Variants in SH3TC1 observed in about 807,000 individuals in gnomAD.
SH3TC1 encodes the protein SH3 domain and tetratricopeptide repeats 1.
Under a neutral mutation model 117.3 loss-of-function variants are expected in SH3TC1, and 135 were observed. That is an observed-to-expected ratio of 1.15 (90% confidence interval 1.00 to 1.33). SH3TC1 has a LOEUF of 1.33. Ranked by LOEUF, SH3TC1 falls within the 40% of genes most tolerant of loss-of-function variation. The probability of loss-of-function intolerance (pLI) is 0.00; values close to 1 mark genes in which losing one functional copy is unlikely to be tolerated. For missense variants in SH3TC1, 2,092 were observed against 1,794.3 expected (o/e 1.17, Z -3.00); for synonymous variants, 898 against 816.9 (o/e 1.10, Z -1.69).
chr4:8,214,390 T>C, intron 4 of SH3TC1, 85 bp from the exon 5 acceptor site: 1 of 1,282,048 alleles, frequency 7.8e-7, no homozygotes, highest in Non-Finnish European at 1.1e-6. Context: ...ATCTGCAAGA[T>C]GTCTCTGTCA....
chr4:8,240,800 A>G lies in SH3TC1; in HGVS notation c.3856A>G (p.Ile1286Val). Residue 1286 changes from isoleucine (I) to valine (V), a missense_variant, in exon 18 of 18, where the codon ATC (isoleucine) becomes GTC (valine). Physicochemically the swap from Ile to Val is conservative, Grantham distance 29. Transcript: ENST00000245105. ...GAAGATCTACACGCGGCTGGCCACC[A>G]TCTACCACAACTTCCTCCTGGACCG... The part of the protein sequence containing the change: ...QLKIYTRLAT[I>V]YHNFLLDREK... The G allele has an allele frequency of 1.2e-6, 2 of 1,614,144 alleles. No homozygotes were observed. The highest frequency in any genetic ancestry group is 1.7e-6 in the Non-Finnish European group (2 of 1,180,040).
chr4:8,182,362 C>T (rs1350864102), intron 1 of SH3TC1, among the ~76,000 whole-genome samples: 1 of 152,170 alleles, frequency 6.6e-6, no homozygotes, highest in African/African-American at 2.4e-5. Context: ...TCGAAACTCA[C>T]CTGGCCAGAA....
At position 8,235,612 on chromosome 4, in the gene SH3TC1, G is replaced by A. The variant is rs1377894184; in HGVS notation, c.3405+57G>A. 49 of 1,501,806 alleles carry A rather than the reference G, an allele frequency of 3.3e-5. 2 individuals carry two copies. In the South Asian group the frequency reaches 3.9e-4, roughly 12 times the overall value. The allele number at this position is 1,501,806 out of a possible 1,614,324, so 93.0% of individuals were successfully genotyped here. On this transcript the variant is annotated intron_variant, in intron 15 of 17. Coordinates refer to ENST00000245105, the MANE Select transcript of SH3TC1 (RefSeq NM_018986.5). ...CCCCAGGGGGGGCACCTTGAGGGCT[G>A]AGGCACAGGTGTGGCAGGGCAGAGC...
chr4:8,186,998 C>T lies in SH3TC1; in HGVS notation c.-57+4788C>T, dbSNP rs1345728446. On this transcript the variant is annotated intron_variant, in intron 1 of 16. Coordinates refer to the SH3TC1 transcript ENST00000508641. This position sits in a 1 kb window ranked among gnomAD's most constrained non-coding sequence, Gnocchi z 5.2. ...TGTAGGCACATTGCTGTGCCTTTGC[C>T]CATTCTGGGACTCCTGCCCGACTTC... Among the ~76,000 whole-genome samples the T allele has an allele frequency of 6.6e-6, 1 of 152,076 alleles. No individual in the cohort carries two copies. Among genetic ancestry groups the T allele is most frequent in the African/African-American group, 2.4e-5 (1 of 41,386 alleles).
At chr4:8,222,426 T>A (rs1578704345) in intron 9 of SH3TC1, among the ~76,000 whole-genome samples, 1 of 125,794 alleles carries the variant, frequency 7.9e-6, no homozygotes, top group Non-Finnish European at 1.6e-5. Context: ...CAGGCTGGAG[T>A]GCAGTGGTGT....
intron 10 of SH3TC1, among the ~76,000 whole-genome samples, chr4:8,224,289 T>G (rs1191264926): frequency 6.6e-6 from 1 of 152,188 alleles, no homozygotes; most frequent in Non-Finnish European, 1.5e-5. Context: ...AGTATTAGAG[T>G]TAACATTTGT....
Position 8,186,598 on chromosome 4 carries a change from C to T in SH3TC1, c.-57+4388C>T, listed in dbSNP as rs1016989661. On this transcript the variant is annotated intron_variant, in intron 1 of 16. Coordinates refer to the SH3TC1 transcript ENST00000508641. This position sits in a 1 kb window ranked among gnomAD's most constrained non-coding sequence, Gnocchi z 5.2. ...CCAATGCCCTGCACTGGCTTCCCAA[C>T]TTATCTATCTAAAACTTTAAAATAA... 6.6e-6 allele frequency among the ~76,000 whole-genome samples: 1 copy of T among 152,160 alleles called. No individual in the cohort carries two copies. Among genetic ancestry groups the T allele is most frequent in the African/African-American group, 2.4e-5 (1 of 41,436 alleles).
chr4:8,239,735 CCTCCTGGGCCCCCACAGG>C (rs1285112785), intron 17 of SH3TC1, among the ~76,000 whole-genome samples: 1 of 152,230 alleles, frequency 6.6e-6, no homozygotes, highest in African/African-American at 2.4e-5. Flanking sequence ...GAGTCTGGGG[CCTCCTGGGCCCCCACAGG>C]CTCCTGGGCT....
chr4:8,199,968 G>T (rs889511801), intron 1 of SH3TC1, among the ~76,000 whole-genome samples: 15 of 152,214 alleles, frequency 9.9e-5, no homozygotes, highest in African/African-American at 3.4e-4. Flanking sequence ...GGAGGGTCTG[G>T]GCCCAGCCTT....
chr4:8,225,215 A>T lies in SH3TC1; in HGVS notation c.1284A>T (p.Lys428Asn), dbSNP rs773812927. ...CTGAGACCGAGCAGCCGCAGGAAAA[A>T]GGTGGGTTTTGCCAGTGGCTCAGGC... ...EEAETEQPQE[K>N]EIPPPCLSLE... The change falls in exon 11 of 18, where the codon AAA becomes AAT. Residue 428 changes from lysine to asparagine, a missense_variant and splice_region_variant. Coordinates refer to ENST00000245105, the MANE Select transcript of SH3TC1 (RefSeq NM_018986.5). This position sits in a 1 kb window ranked among gnomAD's most constrained non-coding sequence, Gnocchi z 5.5. The T allele has an allele frequency of 6.2e-7, 1 of 1,613,614 alleles. No individual in the cohort carries two copies. The highest frequency in any genetic ancestry group is 8.5e-7 in the Non-Finnish European group (1 of 1,179,824).
chr4:8,231,834 G>C (rs959149312), intron 12 of SH3TC1, 142 bp from the exon 13 acceptor site: 1 of 887,822 alleles, frequency 1.1e-6, no homozygotes, highest in Non-Finnish European at 1.7e-6. Flanking sequence ...CCCATGTCAC[G>C]GTGTGCTCAG....
intron 17 of SH3TC1, among the ~76,000 whole-genome samples, chr4:8,239,883 T>TG (rs1353315685): frequency 6.6e-6 from 1 of 152,152 alleles, no homozygotes; most frequent in East Asian, 1.9e-4. Flanking sequence ...TCGGTGGGGC[T>TG]GGGGGGCGTT....
At chr4:8,216,899 A>T in intron 6 of SH3TC1, 58 bp from the exon 7 acceptor site, 1 of 1,560,068 alleles carries the variant, frequency 6.4e-7, no homozygotes, top group Non-Finnish European at 8.8e-7. Context: ...TGTGGGGGGC[A>T]GGGCCACAGC....
chr4:8,240,990 G>A lies in SH3TC1; in HGVS notation c.*35G>A. ...CCAAGGGAGTGGGTTTTGTGCAAGGGCTGGGGGTCTCCTGCCTCTCCTGGT... is the reference window on the plus strand; with the variant it reads ...CCAAGGGAGTGGGTTTTGTGCAAGGACTGGGGGTCTCCTGCCTCTCCTGGT... On this transcript the variant is annotated 3_prime_UTR_variant, in exon 18 of 18. Coordinates refer to ENST00000245105, the MANE Select transcript of SH3TC1 (RefSeq NM_018986.5). 1 of 1,592,538 alleles carries A rather than the reference G, an allele frequency of 6.3e-7. No homozygotes were observed. Among genetic ancestry groups the A allele is most frequent in the South Asian group, 1.1e-5 (1 of 90,890 alleles).
chr4:8,187,544 C>G (rs994844797), intron 1 of SH3TC1, among the ~76,000 whole-genome samples: 1 of 150,156 alleles, frequency 6.7e-6, no homozygotes, highest in African/African-American at 2.5e-5. Context: ...TATTTGTTTT[C>G]TTTTCTTTTC....
intron 1 of SH3TC1, among the ~76,000 whole-genome samples, chr4:8,188,070 A>T (rs1282221701): frequency 1.3e-5 from 2 of 152,156 alleles, no homozygotes; most frequent in Non-Finnish European, 2.9e-5. Flanking sequence ...CTCCACGCCC[A>T]CTGTGTTTAT....
At chr4:8,196,174 ATTTAATC>A (rs1420887993), upstream of SH3TC1, among the ~76,000 whole-genome samples, 5 of 152,238 alleles carry the variant, frequency 3.3e-5, no homozygotes, top group South Asian at 2.1e-4. The surrounding 1 kb of genome is among the most constrained non-coding windows in gnomAD (Gnocchi z 4.6). Flanking sequence ...CTTGAGTCTA[ATTTAATC>A]TTTACGATGA....
chr4:8,220,306 G>A lies in SH3TC1; in HGVS notation c.1112+776G>A, dbSNP rs145510234. On this transcript the variant is annotated intron_variant, in intron 9 of 17. Transcript: ENST00000245105. ...CTTCCAAAACTGCTCTGGGTGACAC[G>A]TGTGTCCTTCTGCCTGGGATGCCCC... Among the ~76,000 whole-genome samples, 277 of 152,216 alleles carry A rather than the reference G, an allele frequency of 1.8e-3. 1 individual carries two copies. The highest frequency in any genetic ancestry group is 6.3e-3 in the African/African-American group (261 of 41,538).
Position 8,183,887 on chromosome 4 carries a change from G to C in SH3TC1, c.-57+1677G>C, listed in dbSNP as rs941928410. On this transcript the variant is annotated intron_variant, in intron 1 of 16. Coordinates refer to the SH3TC1 transcript ENST00000508641. The surrounding 1 kb of genome is among the most constrained non-coding windows in gnomAD (Gnocchi z 5.4). ...ATTTAGTCCTCCTATGCAAGTCCATGGTGGTGGGCATTCACCACCATGCCC... is the reference window on the plus strand; with the variant it reads ...ATTTAGTCCTCCTATGCAAGTCCATCGTGGTGGGCATTCACCACCATGCCC... Among the ~76,000 whole-genome samples, 1 of 152,142 alleles carries C rather than the reference G, an allele frequency of 6.6e-6. No individual in the cohort carries two copies. The highest frequency in any genetic ancestry group is 2.4e-5 in the African/African-American group (1 of 41,416).
Sources: gnomAD v4.1 joint callset for allele counts (sites outside exome capture counted in the v4.1 genomes callset) on GRCh38, gnomAD v4.1.1 for gene constraint, Gnocchi (gnomAD v3.1) non-coding constraint, MANE v1.5 for transcripts, NCBI Gene and HGNC (gene_info 2026-07-23, HGNC 2026-07-21) for gene names.